OR2V1: variants seen among roughly 807,000 people sequenced by gnomAD.
OR2V1 encodes the protein olfactory receptor family 2 subfamily V member 1, also known as olfactory receptor 2V1.
A neutral mutation model predicts 15.0 loss-of-function variants in OR2V1; 18 were observed. The ratio of observed to expected loss-of-function variants is 1.20; its 90% confidence interval spans 0.83 to 1.78. OR2V1 has a LOEUF of 1.78. Ranked by LOEUF, OR2V1 falls within the 40% of genes most tolerant of loss-of-function variation. The probability of loss-of-function intolerance (pLI) is 0.00; values close to 1 mark genes in which losing one functional copy is unlikely to be tolerated. For missense variants in OR2V1, 359 were observed against 392.9 expected (o/e 0.91, Z 0.73); for synonymous variants, 144 against 146.1 (o/e 0.99, Z 0.10).
chr5:181,123,577 G>C lies in OR2V1; in HGVS notation c.*780C>G, dbSNP rs1315666400. 1 of 152,342 alleles carries C rather than the reference G, an allele frequency of 6.6e-6. No homozygotes were observed. The highest frequency in any genetic ancestry group is 2.4e-5 in the African/African-American group (1 of 41,450). 9.4% of individuals were successfully genotyped at this position (152,342 alleles called of 1,614,324 possible). On this transcript the variant is annotated 3_prime_UTR_variant, in exon 4 of 4. Transcript: ENST00000641551. The stretch of plus-strand genomic sequence containing the variant: ...GAAGCTGCATCGATCTCAGTGAGCA[G>C]AGGGCTGACTTTGAAAGAATGGGAG...
intron 2 of OR2V1, 145 bp downstream of exon 2, chr5:181,130,028 C>A: frequency 2.5e-6 from 1 of 396,664 alleles, no homozygotes; most frequent in Middle Eastern, 6.3e-4. Context: ...CAAACACCCA[C>A]ACGAAACAGT....
intron 2 of OR2V1, 51 bp downstream of exon 2, chr5:181,130,122 C>T (rs998406241): frequency 4.5e-5 from 18 of 399,028 alleles, no homozygotes; most frequent in African/African-American, 3.5e-4. Flanking sequence ...GCAATGGGAG[C>T]AGGAGCTGCA....
intron 3 of OR2V1, 30 bp from the exon 4 acceptor site, chr5:181,125,355 A>C (rs1762860575): frequency 1.3e-6 from 2 of 1,518,938 alleles, no homozygotes; most frequent in African/African-American, 2.7e-5. Context: ...TATAAGATTG[A>C]GTGACATGTC....
Position 181,125,078 on chromosome 5 carries a change from C to T in OR2V1, c.227G>A (p.Cys76Tyr), listed in dbSNP as rs1230314014. The stretch of plus-strand genomic sequence containing the variant: ...GGCTGCCATCTTTGGCACAATGTTA[C>T]AGACCAACATGAGGTCCATGAGGGA... ...QLSLMDLMLV[C>Y]NIVPKMAANF... Residue 76 changes from cysteine to tyrosine, a missense_variant, in exon 4 of 4, where the codon TGT becomes TAT. By Grantham distance (194) the Cys-to-Tyr change is radical. Coordinates refer to ENST00000641551, the MANE Select transcript of OR2V1 (RefSeq NM_001258283.2). 6.2e-7 allele frequency: 1 copy of T among 1,614,106 alleles called. No homozygotes were observed. Among genetic ancestry groups the T allele is most frequent in the African/African-American group, 1.3e-5 (1 of 74,940 alleles).
rs776884769 is a variant in OR2V1, at chr5:181,125,215, A to G, written c.90T>C (p.Ser30=). The G allele has an allele frequency of 3.4e-5, 55 of 1,613,974 alleles. No homozygotes were observed. Among genetic ancestry groups the G allele is most frequent in the Non-Finnish European group, 3.7e-5 (44 of 1,180,030 alleles). Residue 30 remains serine (S), a synonymous_variant, in exon 4 of 4, where the codon TCT becomes TCC. Transcript: ENST00000641551. ...SHSQTDLVLF[S]AVMVVFTVAL... ...CCACTGTGAAGACCACCATAACTGC[A>G]GAGAAGAGGACAAGGTCAGTCTGGC...
At chr5:181,126,662 A>G (rs538775664) in intron 3 of OR2V1, among the ~76,000 whole-genome samples, 8 of 152,132 alleles carry the variant, frequency 5.3e-5, no homozygotes, top group Non-Finnish European at 8.8e-5. Flanking sequence ...ACATACAGAC[A>G]TGGAAAGATA....
intron 3 of OR2V1, among the ~76,000 whole-genome samples, chr5:181,125,742 C>T (rs911138509): frequency 6.6e-6 from 1 of 152,212 alleles, no homozygotes; most frequent in East Asian, 1.9e-4. Flanking sequence ...TCCCAGCACT[C>T]TGGGATGCTG....
Position 181,124,484 on chromosome 5 carries a change from A to C in OR2V1, c.821T>G (p.Val274Gly), listed in dbSNP as rs1762845184. Residue 274 changes from valine (V) to glycine (G), a missense_variant, in exon 4 of 4, where the codon GTG becomes GGG. Val to Gly is a moderately radical substitution (Grantham distance 109). Coordinates refer to ENST00000641551, the MANE Select transcript of OR2V1 (RefSeq NM_001258283.2). ...AAGGACTGTGTAGAAGATAGAGGCC[A>C]CCTTGTCATGGCTAGGGGCCCGGTA... is the stretch of plus-strand genomic sequence containing the variant. The part of the protein sequence containing the change: ...RRYRAPSHDK[V>G]ASIFYTVLTP... 1 of 1,613,922 alleles carries C rather than the reference A, an allele frequency of 6.2e-7. No homozygotes were observed. Among genetic ancestry groups the C allele is most frequent in the Non-Finnish European group, 8.5e-7 (1 of 1,179,950 alleles).
chr5:181,125,497 C>A (rs1762862089), intron 3 of OR2V1, among the ~76,000 whole-genome samples, 172 bp from the exon 4 acceptor site: 2 of 152,192 alleles, frequency 1.3e-5, no homozygotes, highest in Admixed American at 1.3e-4. Flanking sequence ...TGTATTTGTG[C>A]ATATCCATAC....
intron 3 of OR2V1, among the ~76,000 whole-genome samples, chr5:181,125,758 G>A (rs529939609): frequency 1.3e-5 from 2 of 152,344 alleles, no homozygotes; most frequent in South Asian, 2.1e-4. Context: ...TGCTGAGGCG[G>A]GTGGATCACC....
intron 3 of OR2V1, among the ~76,000 whole-genome samples, chr5:181,126,026 A>G (rs1027591954): frequency 6.6e-6 from 1 of 152,192 alleles, no homozygotes; most frequent in Non-Finnish European, 1.5e-5. Context: ...TGGCAACGTG[A>G]GATGTTCTTT....
intron 3 of OR2V1, among the ~76,000 whole-genome samples, chr5:181,129,154 C>T (rs986305588): frequency 1.3e-5 from 2 of 152,120 alleles, no homozygotes; most frequent in African/African-American, 2.4e-5. Flanking sequence ...ATCGTTTGAG[C>T]CTGAAAGTTC....
chr5:181,127,577 TG>T (rs1376105264), intron 3 of OR2V1, among the ~76,000 whole-genome samples: 1 of 152,032 alleles, frequency 6.6e-6, no homozygotes, highest in African/African-American at 2.4e-5. Context: ...TTTCCTAAAC[TG>T]GGATGGGCCT....
rs936138558 is a variant in OR2V1, at chr5:181,124,663, G to A, written c.642C>T (p.Ile214=). 1 of 1,613,612 alleles carries A rather than the reference G, an allele frequency of 6.2e-7. No homozygotes were observed. ...GGATGCAAGCATAGGAGGCCATGAT[G>A]ATGGAGAAGGGAAGGAGAAGCATGA... The part of the protein sequence containing the change: ...CVFMLLLPFS[I]IMASYACILG... The change falls in exon 4 of 4, where the codon ATC becomes ATT. Residue 214 remains isoleucine, a synonymous_variant. Coordinates refer to ENST00000641551, the MANE Select transcript of OR2V1 (RefSeq NM_001258283.2).
chr5:181,125,225 A>T lies in OR2V1; in HGVS notation c.80T>A (p.Val27Asp). ...GACCACCATAACTGCAGAGAAGAGG[A>T]CAAGGTCAGTCTGGCTGTGGGAAAA... ...GIFSHSQTDL[V>D]LFSAVMVVFT... Residue 27 changes from valine (V) to aspartate (D), a missense_variant, in exon 4 of 4, where the codon GTC becomes GAC. Coordinates refer to ENST00000641551, the MANE Select transcript of OR2V1 (RefSeq NM_001258283.2). 6.2e-7 allele frequency: 1 copy of T among 1,614,152 alleles called. No individual in the cohort carries two copies. Among genetic ancestry groups the T allele is most frequent in the Non-Finnish European group, 8.5e-7 (1 of 1,180,032 alleles).
chr5:181,128,271 C>T (rs555253642), intron 3 of OR2V1, among the ~76,000 whole-genome samples: 5 of 152,174 alleles, frequency 3.3e-5, no homozygotes, highest in Admixed American at 2.6e-4. Context: ...AACATACCCC[C>T]CAGCCAGCAC....
intron 3 of OR2V1, among the ~76,000 whole-genome samples, chr5:181,128,372 C>T (rs987309065): frequency 3.3e-5 from 5 of 152,178 alleles, no homozygotes; most frequent in African/African-American, 1.2e-4. Context: ...TCCCAGTCTA[C>T]GCTGGCACAC....
intron 3 of OR2V1, among the ~76,000 whole-genome samples, chr5:181,128,798 G>A (rs1341880200): frequency 6.6e-6 from 1 of 152,200 alleles, no homozygotes; most frequent in African/African-American, 2.4e-5. Flanking sequence ...GGCTGCTCAT[G>A]TGGGTGTCTG....
Position 181,124,474 on chromosome 5 carries a change from G to C in OR2V1, c.831C>G (p.Ile277Met). The change falls in exon 4 of 4, where the codon ATC becomes ATG. Residue 277 changes from isoleucine (I) to methionine (M), a missense_variant. Coordinates refer to ENST00000641551, the MANE Select transcript of OR2V1 (RefSeq NM_001258283.2). ...GCATGGGAGTAAGGACTGTGTAGAAGATAGAGGCCACCTTGTCATGGCTAG... is the reference window on the plus strand; with the variant it reads ...GCATGGGAGTAAGGACTGTGTAGAACATAGAGGCCACCTTGTCATGGCTAG... ...RAPSHDKVAS[I>M]FYTVLTPMLN... 6.2e-7 allele frequency: 1 copy of C among 1,613,994 alleles called. No homozygotes were observed. The highest frequency in any genetic ancestry group is 8.5e-7 in the Non-Finnish European group (1 of 1,179,968).
Sources: allele counts gnomAD v4.1 joint callset (sites outside exome capture counted in the v4.1 genomes callset), GRCh38; gene constraint gnomAD v4.1.1; transcripts MANE v1.5; gene names NCBI Gene and HGNC (gene_info 2026-07-23, HGNC 2026-07-21).